Variants in CFAP52 observed in about 807,000 individuals in gnomAD.
CFAP52 encodes cilia and flagella associated protein 52, also known as cilia- and flagella-associated protein 52.
A neutral mutation model predicts 70.5 loss-of-function variants in CFAP52; 57 were observed. The observed-to-expected ratio is 0.81, with a 90% CI of 0.65 to 1.01. CFAP52 has a LOEUF of 1.01. Among genes scored for constraint, CFAP52 ranks in the 50% least tolerant of loss-of-function variants. The pLI is 0.00. For missense variants in CFAP52, 785 were observed against 788.5 expected, an observed-to-expected ratio of 1.00 and a Z score of 0.05; for synonymous variants, 267 against 292.5, an observed-to-expected ratio of 0.91 and a Z score of 0.89.
chr17:9,608,321 T>TA (rs1909583942), intron 7 of CFAP52, 102 bp downstream of exon 7: 1 of 965,146 alleles, frequency 1.0e-6, no homozygotes, highest in Non-Finnish European at 1.4e-6. Flanking sequence ...GATATTTGGT[T>TA]AAAAAATTTC....
At chr17:9,624,948 A>T (rs575324329) in intron 8 of CFAP52, among the ~76,000 whole-genome samples, 2 of 152,196 alleles carry the variant, frequency 1.3e-5, no homozygotes, top group Non-Finnish European at 2.9e-5. Flanking sequence ...CCAAGGGTTT[A>T]TGCAGAGATG....
Position 9,605,216 on chromosome 17 carries a change from G to A in CFAP52, c.754-2903G>A, listed in dbSNP as rs111234685. Among the ~76,000 whole-genome samples the A allele has an allele frequency of 5.2e-3, 787 of 152,244 alleles. 2 individuals carry two copies. The highest frequency in any genetic ancestry group is 7.1e-3 in the Non-Finnish European group (484 of 68,014). ...CAAGATGTCCTTCAGTAAGTAAAGGGATACGTAAACTGTGATACATCCAAA... is the reference window on the plus strand; with the variant it reads ...CAAGATGTCCTTCAGTAAGTAAAGGAATACGTAAACTGTGATACATCCAAA... On this transcript the variant is annotated intron_variant, in intron 6 of 13. Transcript: ENST00000352665.
At chr17:9,608,882 C>T (rs575283323) in intron 7 of CFAP52, among the ~76,000 whole-genome samples, 338 of 152,208 alleles carry the variant, frequency 2.2e-3, no homozygotes, top group Admixed American at 4.2e-3. Context: ...TCGTTTGGGG[C>T]TAAGGTATGT....
In CFAP52 at chr17:9,634,800, C is replaced by A. The variant is rs1427893833; in HGVS notation, c.1321-605C>A. ...GAATACCATACTAACTAAACAACTT[C>A]CCTTTTATCTATCCTTTTTATTAAA... On this transcript the variant is annotated intron_variant, in intron 10 of 13. Transcript: ENST00000352665. Among the ~76,000 whole-genome samples the A allele has an allele frequency of 3.3e-5, 5 of 152,082 alleles. No individual in the cohort carries two copies. In the East Asian group the frequency reaches 9.6e-4, roughly 29 times the overall value.
chr17:9,577,416 T>C (rs1043661996), intron 1 of CFAP52, among the ~76,000 whole-genome samples: 2 of 152,190 alleles, frequency 1.3e-5, no homozygotes. Flanking sequence ...TGACTGCCTA[T>C]TGTTTTGAAG....
chr17:9,641,782 C>G lies in CFAP52; in HGVS notation c.1634C>G (p.Ser545Cys), dbSNP rs1345676984. ...ATCAGAGAATTGGAAGGTTCCCTGT[C>G]TGGGTCGATAAATGGCATGGATATC... ...TVIRELEGSLSGSINGMDITQ... is the reference protein window; with the variant it reads ...TVIRELEGSLCGSINGMDITQ... Residue 545 changes from serine to cysteine, a missense_variant, in exon 13 of 14, where the codon TCT (serine) becomes TGT (cysteine). Physicochemically the swap from Ser to Cys is moderately radical, Grantham distance 112. Transcript: ENST00000352665. 1 of 1,613,982 alleles carries G rather than the reference C, an allele frequency of 6.2e-7. No homozygotes were observed. Among genetic ancestry groups the G allele is most frequent in the Admixed American group, 1.7e-5 (1 of 60,012 alleles).
chr17:9,608,293 C>A, intron 7 of CFAP52, 74 bp downstream of exon 7: 1 of 1,210,160 alleles, frequency 8.3e-7, no homozygotes, highest in Non-Finnish European at 1.1e-6. Context: ...GCCAGCAACT[C>A]GATGATATCG....
intron 4 of CFAP52, 98 bp downstream of exon 4, chr17:9,594,419 TCCTGGATAAATA>T (rs1194153980): frequency 1.4e-6 from 2 of 1,455,296 alleles, no homozygotes; most frequent in African/African-American, 1.4e-5. Flanking sequence ...ACGTCTTTAG[TCCTGGATAAATA>T]CCTTACATCA....
At chr17:9,602,389 C>CCAGCTTCATCCATGTTTG (rs1338315885) in intron 6 of CFAP52, among the ~76,000 whole-genome samples, 39 of 82,738 alleles carry the variant, frequency 4.7e-4, no homozygotes, top group Non-Finnish European at 2.6e-4. Flanking sequence ...GTTTTCTGTT[C>CCAGCTTCATCCATGTTTG]CTGTTTTAGT....
chr17:9,587,958 C>T (rs1013126305), intron 3 of CFAP52, among the ~76,000 whole-genome samples: 2 of 152,122 alleles, frequency 1.3e-5, no homozygotes, highest in African/African-American at 4.8e-5. Flanking sequence ...ACCTGGGCAG[C>T]TTTAGGGAAT....
intron 11 of CFAP52, 143 bp downstream of exon 11, chr17:9,635,699 G>T (rs144485665): frequency 1.9e-6 from 2 of 1,070,734 alleles, no homozygotes; most frequent in Admixed American, 2.3e-5. Flanking sequence ...ATCAGAAGCC[G>T]TTCATGACGG....
chr17:9,626,350 C>T (rs927078271), intron 8 of CFAP52, among the ~76,000 whole-genome samples: 2 of 152,208 alleles, frequency 1.3e-5, no homozygotes, highest in Non-Finnish European at 2.9e-5. Context: ...CTTCCTCAGC[C>T]TCCCAAGTAG....
intron 1 of CFAP52, among the ~76,000 whole-genome samples, chr17:9,584,836 T>A (rs1459745621): frequency 6.6e-6 from 1 of 152,112 alleles, no homozygotes; most frequent in Non-Finnish European, 1.5e-5. Context: ...TTGGCCAGGC[T>A]GGTCTTGAAC....
chr17:9,645,202 T>C (rs113042021), downstream of CFAP52: 1,981 of 153,030 alleles, frequency 0.013, 50 homozygotes, highest in African/African-American at 0.045. The surrounding 1 kb of genome is among the most constrained non-coding windows in gnomAD (Gnocchi z 6.8). Context: ...ATGCCTGCCT[T>C]GCCCTTTTCT....
chr17:9,641,916 G>T, intron 13 of CFAP52, 81 bp downstream of exon 13: 1 of 1,269,902 alleles, frequency 7.9e-7, no homozygotes, highest in Middle Eastern at 2.0e-4. Flanking sequence ...AGAGGCAATT[G>T]GAAAAGACAA....
intron 4 of CFAP52, among the ~76,000 whole-genome samples, chr17:9,597,072 C>G (rs1302899248): frequency 1.3e-5 from 2 of 152,120 alleles, no homozygotes; most frequent in Non-Finnish European, 2.9e-5. Context: ...TCTCCCTACT[C>G]TCCCACCCCC....
At chr17:9,609,103 C>A (rs1417513940) in intron 7 of CFAP52, among the ~76,000 whole-genome samples, 1 of 152,070 alleles carries the variant, frequency 6.6e-6, no homozygotes, top group Non-Finnish European at 1.5e-5. Context: ...CCCCAGGAAG[C>A]CAGGGGTAGT....
rs767383747 is a variant in CFAP52, at chr17:9,594,175, T to C, written c.408-18T>C. Reference sequence around the variant, plus strand: ...TTTCTCTTTGACTTTTTTTTTTTGGTCCCTCTTATTTTGGCAGTGTGGTGG... The same window carrying C: ...TTTCTCTTTGACTTTTTTTTTTTGGCCCCTCTTATTTTGGCAGTGTGGTGG... On this transcript the variant is annotated intron_variant, in intron 3 of 13. Coordinates refer to ENST00000352665, the MANE Select transcript of CFAP52 (RefSeq NM_145054.5). 1.3e-6 allele frequency: 2 copies of C among 1,541,386 alleles called. No homozygotes were observed. The highest frequency in any genetic ancestry group is 2.4e-5 in the South Asian group (2 of 81,690).
chr17:9,598,219 T>TG lies in CFAP52; in HGVS notation c.537-15_537-14insG. Reference sequence around the variant, plus strand: ...TCCATTTGATTGTGGTTTTTTGTTTTTTTTTTTTACATAGTGGGACAATTC... The same window carrying TG: ...TCCATTTGATTGTGGTTTTTTGTTTTGTTTTTTTTACATAGTGGGACAATTC... On this transcript the variant is annotated splice_polypyrimidine_tract_variant and intron_variant, in intron 4 of 13. Coordinates refer to ENST00000352665, the MANE Select transcript of CFAP52 (RefSeq NM_145054.5). 1 of 1,587,962 alleles carries TG rather than the reference T, an allele frequency of 6.3e-7. No individual in the cohort carries two copies. The highest frequency in any genetic ancestry group is 2.2e-5 in the East Asian group (1 of 44,778).
Sources: allele counts gnomAD v4.1 joint callset (sites outside exome capture counted in the v4.1 genomes callset), GRCh38; gene constraint gnomAD v4.1.1; non-coding constraint Gnocchi (gnomAD v3.1); transcripts MANE v1.5; gene names NCBI Gene and HGNC (gene_info 2026-07-23, HGNC 2026-07-21).